The following MARCHF1 variants were observed in gnomAD, a reference collection of about 807,000 sequenced individuals.
MARCHF1 encodes membrane associated ring-CH-type finger 1.
Under a neutral mutation model 54.2 loss-of-function variants are expected in MARCHF1, and 40 were observed. That is an observed-to-expected ratio of 0.74 (90% confidence interval 0.57 to 0.96). The LOEUF (loss-of-function observed/expected upper bound fraction) is 0.96, where lower values mean the gene tolerates loss of function less well. Among genes scored for constraint, MARCHF1 ranks in the 40% least tolerant of loss-of-function variants. MARCHF1 has a pLI of 0.00. For synonymous variants in MARCHF1, 236 were observed against 236.3 expected, an observed-to-expected ratio of 1.00 and a Z score of 0.01; for missense variants, 586 against 656.5, an observed-to-expected ratio of 0.89 and a Z score of 1.17.
chr4:164,097,835 A>G (rs1319163608), intron 2 of MARCHF1, among the ~76,000 whole-genome samples: 2 of 152,128 alleles, frequency 1.3e-5, no homozygotes, highest in African/African-American at 4.8e-5. Flanking sequence ...CAACATCCAT[A>G]TTCCCTTTTA....
rs72185948 is a variant in MARCHF1 at position 163,959,330 on chromosome 4, C to CA, written c.-39+29170dup. ...ATCCTAAGCAAAACAACAACAACAA[C>CA]AAAAAAAAAAAACAACAAAAAAACA... On this transcript the variant is annotated intron_variant, in intron 3 of 9. Coordinates refer to ENST00000514618, the MANE Select transcript of MARCHF1 (RefSeq NM_001394959.1). 1.6e-3 allele frequency among the ~76,000 whole-genome samples: 233 copies of CA among 149,356 alleles called. 2 individuals carry two copies. The highest frequency in any genetic ancestry group is 5.0e-3 in the African/African-American group (200 of 40,310).
intron 1 of MARCHF1, among the ~76,000 whole-genome samples, chr4:164,214,714 T>G (rs1731878393): frequency 6.6e-6 from 1 of 152,200 alleles, no homozygotes; most frequent in Non-Finnish European, 1.5e-5. Flanking sequence ...TTTAGTATAT[T>G]TAAAAAATTA....
chr4:163,613,262 T>C, intron 6 of MARCHF1, 52 bp downstream of exon 6: 1 of 1,527,056 alleles, frequency 6.5e-7, no homozygotes, highest in Non-Finnish European at 8.8e-7. Flanking sequence ...ACAACAAGAA[T>C]ACGAATATTG....
chr4:163,532,365 G>T (rs778673427), intron 9 of MARCHF1, among the ~76,000 whole-genome samples: 1 of 151,816 alleles, frequency 6.6e-6, no homozygotes, highest in Non-Finnish European at 1.5e-5. Context: ...ATGGGTGCTG[G>T]TATAACAATA....
intron 2 of MARCHF1, among the ~76,000 whole-genome samples, chr4:163,995,814 C>A (rs1753064264): frequency 1.3e-5 from 2 of 151,972 alleles, no homozygotes; most frequent in South Asian, 4.1e-4. Context: ...ATGGCAGAAA[C>A]AATGTAGAAA....
chr4:164,154,335 G>C (rs1730019891), intron 1 of MARCHF1, among the ~76,000 whole-genome samples: 2 of 152,166 alleles, frequency 1.3e-5, no homozygotes, highest in Non-Finnish European at 2.9e-5. Flanking sequence ...AAATCATTTA[G>C]CCTCTATCCA....
intron 4 of MARCHF1, among the ~76,000 whole-genome samples, chr4:163,850,416 C>T (rs971360208): frequency 6.6e-6 from 1 of 152,186 alleles, no homozygotes; most frequent in African/African-American, 2.4e-5. Context: ...GTTTTTACTT[C>T]TTCAGACATT....
intron 9 of MARCHF1, among the ~76,000 whole-genome samples, chr4:163,532,338 G>T (rs1255869452): frequency 6.6e-6 from 1 of 151,896 alleles, no homozygotes; most frequent in Non-Finnish European, 1.5e-5. Context: ...ATGGAGAAGG[G>T]ATAGTCTTTT....
At chr4:164,030,377 T>G (rs1336617847) in intron 2 of MARCHF1, among the ~76,000 whole-genome samples, 1 of 152,192 alleles carries the variant, frequency 6.6e-6, no homozygotes, top group Non-Finnish European at 1.5e-5. Flanking sequence ...TTCTTAAAAA[T>G]GAAGTTTAAC....
At chr4:163,586,377 AG>A (rs746818114) in intron 7 of MARCHF1, among the ~76,000 whole-genome samples, 14 of 152,212 alleles carry the variant, frequency 9.2e-5, no homozygotes, top group Non-Finnish European at 1.6e-4. Context: ...TCAAAAAAAA[AG>A]TCCCCAATCC....
intron 1 of MARCHF1, chr4:164,197,074 C>T (rs765101095): frequency 6.2e-7 from 1 of 1,606,584 alleles, no homozygotes; most frequent in South Asian, 1.1e-5. Flanking sequence ...ATCTACCTCT[C>T]CATCGTTATA....
chr4:164,057,734 C>T (rs796192895), intron 2 of MARCHF1, among the ~76,000 whole-genome samples: 1 of 152,182 alleles, frequency 6.6e-6, no homozygotes, highest in Non-Finnish European at 1.5e-5. Context: ...TCTGAACTGT[C>T]AACAGCCCCA....
intron 1 of MARCHF1, among the ~76,000 whole-genome samples, chr4:164,202,976 G>C (rs575690604): frequency 6.6e-6 from 1 of 151,964 alleles, no homozygotes; most frequent in African/African-American, 2.4e-5. Context: ...ATATGTACAA[G>C]CACAGAGAAA....
chr4:164,294,066 C>T lies in MARCHF1; in HGVS notation c.-323+89804G>A, dbSNP rs140295888. ...GAGTCTTCCAAGCTTCATTTTTCTC[C>T]TACACTGTATACTTCCTACCCTCGA... is the stretch of plus-strand genomic sequence containing the variant. On this transcript the variant is annotated intron_variant, in intron 1 of 9. Coordinates refer to ENST00000514618, the MANE Select transcript of MARCHF1 (RefSeq NM_001394959.1). 6.5e-3 allele frequency among the ~76,000 whole-genome samples: 990 copies of T among 152,320 alleles called. 7 individuals carry two copies. The highest frequency in any genetic ancestry group is 0.022 in the African/African-American group (917 of 41,566).
chr4:163,667,701 C>T (rs1279187487), intron 5 of MARCHF1, among the ~76,000 whole-genome samples: 1 of 151,960 alleles, frequency 6.6e-6, no homozygotes, highest in East Asian at 1.9e-4. Context: ...TCTCAGCTCA[C>T]TGCAACCTCC....
intron 1 of MARCHF1, among the ~76,000 whole-genome samples, chr4:164,276,947 T>TATATATATATATATAGAGAG (rs1392528920): frequency 2.1e-4 from 25 of 118,788 alleles, no homozygotes; most frequent in South Asian, 1.0e-3. Flanking sequence ...TATATATATA[T>TATATATATATATATAGAGAG]AGAGAGAGAG....
intron 3 of MARCHF1, among the ~76,000 whole-genome samples, chr4:163,911,650 C>A (rs1751191027): frequency 6.6e-6 from 1 of 152,126 alleles, no homozygotes; most frequent in Non-Finnish European, 1.5e-5. Flanking sequence ...CCGCCAGTAC[C>A]TCAGAATGTG....
chr4:163,725,334 T>C (rs919775227), intron 4 of MARCHF1, among the ~76,000 whole-genome samples: 1 of 151,798 alleles, frequency 6.6e-6, no homozygotes, highest in African/African-American at 2.4e-5. Context: ...AAAAGTTAAG[T>C]GGGTATGGTG....
At chr4:164,281,985 GT>G (rs1734037470) in intron 1 of MARCHF1, among the ~76,000 whole-genome samples, 1 of 144,224 alleles carries the variant, frequency 6.9e-6, no homozygotes, top group South Asian at 2.2e-4. Context: ...CTGGCCAAAT[GT>G]CATGTTTAGG....
Sources: gnomAD v4.1 joint callset for allele counts (sites outside exome capture counted in the v4.1 genomes callset) on GRCh38, gnomAD v4.1.1 for gene constraint, MANE v1.5 for transcripts, NCBI Gene and HGNC (gene_info 2026-07-23, HGNC 2026-07-21) for gene names.